DCLK1: variants seen among roughly 807,000 people sequenced by gnomAD.
DCLK1 encodes the protein serine/threonine-protein kinase DCLK1.
A neutral mutation model predicts 86.2 loss-of-function variants in DCLK1; 16 were observed. The observed-to-expected ratio is 0.19, with a 90% CI of 0.13 to 0.28. The LOEUF (loss-of-function observed/expected upper bound fraction) is 0.28, where lower values mean the gene tolerates loss of function less well. DCLK1 is among the 10% of genes least tolerant of loss of function. The pLI is 1.00. For synonymous variants in DCLK1, 369 were observed against 370.5 expected (o/e 1.00, Z 0.05); for missense variants, 590 against 940.2 (o/e 0.63, Z 4.87).
chr13:36,031,687 C>A (rs909501252), intron 3 of DCLK1, among the ~76,000 whole-genome samples: 4 of 152,192 alleles, frequency 2.6e-5, no homozygotes, highest in African/African-American at 9.7e-5. Flanking sequence ...TATTTGATGA[C>A]TTCCTGGGAG....
intron 3 of DCLK1, among the ~76,000 whole-genome samples, chr13:35,966,155 G>A (rs1878723474): frequency 6.6e-6 from 1 of 152,294 alleles, no homozygotes; most frequent in South Asian, 2.1e-4. Flanking sequence ...CAAGGATGTG[G>A]GGAAACTGGA....
intron 16 of DCLK1, chr13:35,788,223 C>A: frequency 6.2e-7 from 1 of 1,613,968 alleles, no homozygotes; most frequent in East Asian, 2.2e-5. Flanking sequence ...TTATCCAATA[C>A]ATTCCTGGTT....
intron 4 of DCLK1, among the ~76,000 whole-genome samples, chr13:35,916,490 G>T (rs186709587): frequency 2.4e-4 from 36 of 152,228 alleles, no homozygotes; most frequent in African/African-American, 8.2e-4. Flanking sequence ...GCCCAGCCCT[G>T]CCTTCAACAG....
intron 1 of DCLK1, among the ~76,000 whole-genome samples, chr13:36,128,983 C>T (rs1017663668): frequency 2.6e-5 from 4 of 152,170 alleles, no homozygotes; most frequent in African/African-American, 9.7e-5. Flanking sequence ...ACTCCCAGTA[C>T]TCACACCAAC....
intron 16 of DCLK1, chr13:35,788,302 G>A: frequency 6.2e-7 from 1 of 1,613,072 alleles, no homozygotes. Context: ...AGAGAGAAAT[G>A]GGGCAACTCA....
chr13:35,831,057 T>C (rs1365217472), intron 8 of DCLK1, among the ~76,000 whole-genome samples: 1 of 152,190 alleles, frequency 6.6e-6, no homozygotes, highest in Non-Finnish European at 1.5e-5. Flanking sequence ...AAGCAGGTTC[T>C]GTCCTGAGCC....
At chr13:35,936,551 G>A (rs183417978) in intron 4 of DCLK1, among the ~76,000 whole-genome samples, 3 of 152,224 alleles carry the variant, frequency 2.0e-5, no homozygotes, top group African/African-American at 4.8e-5. Context: ...AAAGAGGGGC[G>A]ATGCTCCCCT....
At chr13:36,077,020 AAG>A (rs1294093322) in intron 3 of DCLK1, among the ~76,000 whole-genome samples, 1 of 152,118 alleles carries the variant, frequency 6.6e-6, no homozygotes, top group Non-Finnish European at 1.5e-5. Flanking sequence ...GGAGAGGAGA[AAG>A]AGAGGAGGAG....
intron 3 of DCLK1, among the ~76,000 whole-genome samples, chr13:35,958,487 A>C (rs1878271230): frequency 6.6e-6 from 1 of 151,460 alleles, no homozygotes. Context: ...CATCACCACC[A>C]CTACCACCAC....
At chr13:35,904,406 G>T (rs1437237779) in intron 4 of DCLK1, among the ~76,000 whole-genome samples, 1 of 152,130 alleles carries the variant, frequency 6.6e-6, no homozygotes, top group Non-Finnish European at 1.5e-5. Flanking sequence ...TGGCCAGGCT[G>T]GTCTCGAACT....
At chr13:35,827,867 G>T in intron 9 of DCLK1, 113 bp from the exon 10 acceptor site, 1 of 1,323,428 alleles carries the variant, frequency 7.6e-7, no homozygotes, top group Non-Finnish European at 1.0e-6. Context: ...TTGGTAAAAT[G>T]TAATAAGCCT....
At chr13:36,088,743 A>G (rs184047344) in intron 3 of DCLK1, among the ~76,000 whole-genome samples, 24 of 152,270 alleles carry the variant, frequency 1.6e-4, no homozygotes, top group African/African-American at 4.8e-4. Flanking sequence ...AGTGGTAGAA[A>G]AAGATCTATC....
chr13:35,901,491 C>CA (rs58801666), intron 4 of DCLK1, among the ~76,000 whole-genome samples: 30,955 of 45,630 alleles, frequency 0.68, 13,637 homozygotes, highest in Middle Eastern at 0.88. Context: ...GACTCTGTCT[C>CA]AAAAAAAAAA....
At chr13:36,034,628 A>G (rs1032296031) in intron 3 of DCLK1, among the ~76,000 whole-genome samples, 4 of 152,176 alleles carry the variant, frequency 2.6e-5, no homozygotes, top group Non-Finnish European at 4.4e-5. Flanking sequence ...TAGGAAAACC[A>G]TATGAATTTC....
chr13:35,811,437 G>T (rs1480770912), intron 11 of DCLK1, among the ~76,000 whole-genome samples: 1 of 152,208 alleles, frequency 6.6e-6, no homozygotes. Flanking sequence ...ATCTGTCTTT[G>T]ATGTTGTCTA....
chr13:35,934,677 G>A (rs1417296716), intron 4 of DCLK1, among the ~76,000 whole-genome samples: 2 of 152,162 alleles, frequency 1.3e-5, no homozygotes, highest in African/African-American at 2.4e-5. Context: ...AATTCAAGAT[G>A]AGATTTGGGT....
At chr13:36,073,861 G>A (rs899904264) in intron 3 of DCLK1, among the ~76,000 whole-genome samples, 2 of 152,138 alleles carry the variant, frequency 1.3e-5, no homozygotes, top group Admixed American at 1.3e-4. Flanking sequence ...AGACAGATCC[G>A]CACCTGAATT....
At chr13:36,027,725 T>TTTTG (rs765803385) in intron 3 of DCLK1, among the ~76,000 whole-genome samples, 31 of 152,286 alleles carry the variant, frequency 2.0e-4, no homozygotes, top group Non-Finnish European at 3.4e-4. Flanking sequence ...ATCTATTTTC[T>TTTTG]TTTGTTTGTT....
At chr13:36,042,557 A>G (rs1435719319) in intron 3 of DCLK1, among the ~76,000 whole-genome samples, 1 of 152,218 alleles carries the variant, frequency 6.6e-6, no homozygotes, top group Non-Finnish European at 1.5e-5. Context: ...TGGAGGAGAG[A>G]AAATGTTCAA....
Sources: gnomAD v4.1 joint callset for allele counts (sites outside exome capture counted in the v4.1 genomes callset) on GRCh38, gnomAD v4.1.1 for gene constraint, MANE v1.5 for transcripts, NCBI Gene and HGNC (gene_info 2026-07-23, HGNC 2026-07-21) for gene names.